The following KDM2B variants were observed in gnomAD, a reference collection of about 807,000 sequenced individuals.
The protein encoded by KDM2B is lysine demethylase 2B, also known as lysine-specific demethylase 2B.
A neutral mutation model predicts 150.0 loss-of-function variants in KDM2B; 26 were observed. The ratio of observed to expected loss-of-function variants is 0.17; its 90% CI spans 0.13 to 0.24. KDM2B has a LOEUF of 0.24. KDM2B is among the 10% of genes least tolerant of loss of function. KDM2B has a pLI of 1.00. For synonymous variants in KDM2B, 734 were observed against 729.5 expected, an observed-to-expected ratio of 1.01 and a Z score of -0.10; for missense variants, 1,265 against 1,816.9, an observed-to-expected ratio of 0.70 and a Z score of 5.52.
At chr12:121,504,139 C>T (rs1555302559) in intron 11 of KDM2B, among the ~76,000 whole-genome samples, 1 of 152,196 alleles carries the variant, frequency 6.6e-6, no homozygotes. Context: ...ACTGTAGCCT[C>T]CACCTCCTGG....
chr12:121,477,768 A>G (rs1372112964), intron 12 of KDM2B, among the ~76,000 whole-genome samples: 2 of 151,846 alleles, frequency 1.3e-5, no homozygotes, highest in African/African-American at 4.8e-5. Context: ...AGTAGAGACA[A>G]AGTTTCACCA....
At chr12:121,458,170 C>T (rs1373777234) in intron 12 of KDM2B, among the ~76,000 whole-genome samples, 5 of 151,520 alleles carry the variant, frequency 3.3e-5, no homozygotes, top group Admixed American at 1.3e-4. Flanking sequence ...ATCGCTTGAG[C>T]TCAGGAGTTC....
At chr12:121,548,780 C>T in intron 6 of KDM2B, 97 bp downstream of exon 6, 1 of 883,964 alleles carries the variant, frequency 1.1e-6, no homozygotes, top group South Asian at 1.4e-5. Flanking sequence ...GACGCTCAAG[C>T]CTTCACTGAT....
intron 21 of KDM2B, chr12:121,440,578 G>A (rs1874836468): frequency 3.9e-6 from 2 of 517,418 alleles, no homozygotes; most frequent in East Asian, 6.6e-5. Context: ...AGCCCCATGA[G>A]CGAGTCAACA....
At chr12:121,539,247 T>G (rs994398193) in intron 6 of KDM2B, among the ~76,000 whole-genome samples, 2 of 141,892 alleles carry the variant, frequency 1.4e-5, no homozygotes, top group African/African-American at 5.4e-5. Flanking sequence ...GTGGGAGGAC[T>G]GCTTCACCTC....
At chr12:121,580,247 A>C in intron 1 of KDM2B, 2 of 896,210 alleles carry the variant, frequency 2.2e-6, no homozygotes, top group Non-Finnish European at 2.8e-6. Context: ...CATTTTCAGC[A>C]GTTGTGGGGG....
chr12:121,577,947 C>G (rs1891619815), intron 2 of KDM2B, among the ~76,000 whole-genome samples: 1 of 152,114 alleles, frequency 6.6e-6, no homozygotes, highest in Admixed American at 6.5e-5. Context: ...GTAGGAGAGC[C>G]AGGGAGAAAC....
the KDM2B span, among the ~76,000 whole-genome samples, chr12:121,413,935 T>C: frequency 6.6e-6 from 1 of 152,194 alleles, no homozygotes; most frequent in African/African-American, 2.4e-5. Flanking sequence ...AGACTTATAA[T>C]ATTGAAATCC....
chr12:121,532,857 G>A lies in KDM2B; in HGVS notation c.880C>T (p.Arg294Ter). The A allele has an allele frequency of 6.2e-7, 1 of 1,614,198 alleles. No individual in the cohort carries two copies. The highest frequency in any genetic ancestry group is 8.5e-7 in the Non-Finnish European group (1 of 1,180,034). ...SDIFLGDRVE[R>*]CQRIELKQGY... ...TGCTTCAGCTCAATTCTTTGGCATC[G>A]TTCCACACGGTCTCCCAGAAAGATG... The change falls in exon 8 of 23, where the codon CGA becomes TGA. Residue 294 changes from arginine (R) to a stop codon, truncating the protein, a stop_gained. Coordinates refer to ENST00000377071, the MANE Select transcript of KDM2B (RefSeq NM_032590.5). LOFTEE classifies it high-confidence loss of function.
chr12:121,553,877 A>C (rs981182330), intron 4 of KDM2B, among the ~76,000 whole-genome samples: 2 of 152,134 alleles, frequency 1.3e-5, no homozygotes, highest in African/African-American at 2.4e-5. Flanking sequence ...ATGGTTGCAC[A>C]GCTCTGTGAA....
intron 11 of KDM2B, among the ~76,000 whole-genome samples, chr12:121,501,766 A>G (rs558431409): frequency 1.1e-4 from 16 of 152,196 alleles, no homozygotes; most frequent in African/African-American, 3.9e-4. Context: ...GATTACAGGC[A>G]CGCACCACCA....
chr12:121,529,494 A>G (rs1271058025), intron 8 of KDM2B, among the ~76,000 whole-genome samples: 1 of 152,140 alleles, frequency 6.6e-6, no homozygotes, highest in African/African-American at 2.4e-5. Context: ...CCATCCAGGG[A>G]GCTGCAAACC....
Position 121,549,076 on chromosome 12 carries a change from T to C in KDM2B, c.577-93A>G. 1 of 966,022 alleles carries C rather than the reference T, an allele frequency of 1.0e-6. No individual in the cohort carries two copies. The highest frequency in any genetic ancestry group is 1.6e-6 in the Non-Finnish European group (1 of 620,514). 59.8% of individuals were successfully genotyped at this position (966,022 alleles called of 1,614,324 possible). A position where few individuals can be genotyped will look rare whatever the true frequency, so the allele number is the denominator to read the frequency against. ...CCGGAGAGTCCTTGGGCCCCCCCGCTCCCCCAATCTACTGTGGGCTCAATA... is the reference window on the plus strand; with the variant it reads ...CCGGAGAGTCCTTGGGCCCCCCCGCCCCCCCAATCTACTGTGGGCTCAATA... On this transcript the variant is annotated intron_variant, in intron 5 of 22. Coordinates refer to ENST00000377071, the MANE Select transcript of KDM2B (RefSeq NM_032590.5). The surrounding 1 kb of genome is among the most constrained non-coding windows in gnomAD (Gnocchi z 4.4).
chr12:121,479,210 G>A (rs1304775973), intron 12 of KDM2B, among the ~76,000 whole-genome samples: 2 of 151,946 alleles, frequency 1.3e-5, no homozygotes, highest in South Asian at 2.1e-4. Flanking sequence ...AGCACTTTGG[G>A]AGGCCAAGGC....
chr12:121,494,839 G>A (rs533636068), intron 11 of KDM2B, among the ~76,000 whole-genome samples, 174 bp from the exon 12 acceptor site: 6 of 152,182 alleles, frequency 3.9e-5, no homozygotes, highest in African/African-American at 1.2e-4. Flanking sequence ...GTCCCCTGGG[G>A]CCCACGAAAC....
intron 4 of KDM2B, among the ~76,000 whole-genome samples, chr12:121,569,084 C>T (rs1458977588): frequency 6.6e-6 from 1 of 152,236 alleles, no homozygotes; most frequent in African/African-American, 2.4e-5. Context: ...GGCTGCGACC[C>T]CGCAATGACT....
At chr12:121,420,457 A>G in the KDM2B span, 3 of 1,555,550 alleles carry the variant, frequency 1.9e-6, no homozygotes, top group East Asian at 4.6e-5. Flanking sequence ...AGGACAGTAT[A>G]CTGAAACACT....
At chr12:121,473,235 A>G (rs1025969861) in intron 12 of KDM2B, among the ~76,000 whole-genome samples, 10 of 152,154 alleles carry the variant, frequency 6.6e-5, no homozygotes, top group African/African-American at 2.4e-4. Context: ...TATTAAAACT[A>G]CAAAAAATTA....
Position 121,442,359 on chromosome 12 carries a change from G to T in KDM2B, c.3082C>A (p.Pro1028Thr), listed in dbSNP as rs1416382924. ...ATACACTTGGGCGGGGACACGGAGG[G>T]TGGGGGCCGGGAGATGACACGGGGC... ...SPPRVISRPPPSVSPPKCIQM... is the reference protein window; with the variant it reads ...SPPRVISRPPTSVSPPKCIQM... The change falls in exon 19 of 23, where the codon CCC becomes ACC. Residue 1028 changes from proline to threonine, a missense_variant. Around this residue, in one of 11 missense-constraint regions of KDM2B, gnomAD observed 418 missense variants for 402.4 expected, o/e 1.04. Transcript: ENST00000377071. The surrounding 1 kb of genome is among the most constrained non-coding windows in gnomAD (Gnocchi z 7.7). 7.0e-6 allele frequency: 11 copies of T among 1,582,612 alleles called. No homozygotes were observed. The highest frequency in any genetic ancestry group is 1.3e-5 in the African/African-American group (1 of 74,382).
Sources: gnomAD v4.1 joint callset for allele counts (sites outside exome capture counted in the v4.1 genomes callset) on GRCh38, gnomAD v4.1.1 for gene constraint, gnomAD v4.1.1 regional missense constraint, Gnocchi (gnomAD v3.1) non-coding constraint, MANE v1.5 for transcripts, NCBI Gene and HGNC (gene_info 2026-07-23, HGNC 2026-07-21) for gene names.